Variants in SEMA5A observed in about 807,000 individuals in gnomAD.
SEMA5A encodes the protein semaphorin 5A, also known as semaphorin-5A.
A neutral mutation model predicts 135.5 loss-of-function variants in SEMA5A; 55 were observed. That is an observed-to-expected ratio of 0.41 (90% CI 0.33 to 0.51). The LOEUF is 0.51. Among genes scored for constraint, SEMA5A ranks in the 20% least tolerant of loss-of-function variants. SEMA5A has a pLI of 0.37. For synonymous variants in SEMA5A, 580 were observed against 546.5 expected (o/e 1.06, Z -0.85); for missense variants, 1,290 against 1,419.9 (o/e 0.91, Z 1.47).
intron 8 of SEMA5A, among the ~76,000 whole-genome samples, chr5:9,203,950 T>C (rs1292357948): frequency 6.6e-6 from 1 of 151,572 alleles, no homozygotes; most frequent in Non-Finnish European, 1.5e-5. Context: ...CTTGTGTTTT[T>C]GGAAAATAAA....
chr5:9,484,877 C>T (rs1401358186), intron 1 of SEMA5A, among the ~76,000 whole-genome samples: 4 of 152,044 alleles, frequency 2.6e-5, no homozygotes, highest in South Asian at 2.1e-4. Flanking sequence ...TACACAAGTG[C>T]CCCAGAGTCA....
intron 1 of SEMA5A, among the ~76,000 whole-genome samples, chr5:9,453,435 T>C (rs924736416): frequency 6.6e-6 from 1 of 152,208 alleles, no homozygotes; most frequent in African/African-American, 2.4e-5. Flanking sequence ...GTGATTTGTC[T>C]GTTTAAAATG....
At chr5:9,284,483 A>C (rs2150571332) in intron 5 of SEMA5A, among the ~76,000 whole-genome samples, 1 of 152,348 alleles carries the variant, frequency 6.6e-6, no homozygotes, top group East Asian at 1.9e-4. Context: ...TTGGGAGTTA[A>C]CAATGAGCCA....
At chr5:9,231,850 G>T (rs1473760557) in intron 6 of SEMA5A, among the ~76,000 whole-genome samples, 2 of 152,186 alleles carry the variant, frequency 1.3e-5, no homozygotes, top group Non-Finnish European at 2.9e-5. Flanking sequence ...TTTCCAAGAA[G>T]TCACAGTGCA....
At chr5:9,300,601 T>G (rs766054908) in intron 5 of SEMA5A, among the ~76,000 whole-genome samples, 3 of 152,330 alleles carry the variant, frequency 2.0e-5, no homozygotes, top group Admixed American at 6.5e-5. Flanking sequence ...TTGGGTTGAA[T>G]GGTGGCCTCC....
chr5:9,071,345 G>T (rs1430367770), intron 16 of SEMA5A, among the ~76,000 whole-genome samples: 1 of 152,030 alleles, frequency 6.6e-6, no homozygotes, highest in African/African-American at 2.4e-5. Flanking sequence ...ATCACCATAG[G>T]CCTGATTTAG....
At chr5:9,522,428 C>G (rs1736887173) in intron 1 of SEMA5A, among the ~76,000 whole-genome samples, 1 of 152,072 alleles carries the variant, frequency 6.6e-6, no homozygotes, top group Middle Eastern at 3.2e-3. Flanking sequence ...ACTAAAAATA[C>G]AAACATTTGC....
At chr5:9,396,861 C>A (rs1756427416) in intron 2 of SEMA5A, among the ~76,000 whole-genome samples, 1 of 152,150 alleles carries the variant, frequency 6.6e-6, no homozygotes, top group African/African-American at 2.4e-5. Context: ...TCATGACCAT[C>A]ATGTCTGCCT....
At chr5:9,432,686 G>C (rs1404087019) in intron 2 of SEMA5A, among the ~76,000 whole-genome samples, 3 of 152,138 alleles carry the variant, frequency 2.0e-5, no homozygotes, top group African/African-American at 7.2e-5. Context: ...TAACATTATT[G>C]TACGCACATC....
At chr5:9,517,493 C>T (rs930919484) in intron 1 of SEMA5A, 2 of 152,154 alleles carry the variant, frequency 1.3e-5, no homozygotes, top group African/African-American at 4.8e-5. Context: ...ATCCCCAGGT[C>T]CTCTGTGCCT....
chr5:9,049,364 G>A (rs1736444618), intron 21 of SEMA5A, among the ~76,000 whole-genome samples: 1 of 152,138 alleles, frequency 6.6e-6, no homozygotes, highest in Admixed American at 6.6e-5. Context: ...ATTTCGTCAT[G>A]TTGGAAAGGC....
At chr5:9,153,069 GAA>G (rs60994342) in intron 12 of SEMA5A, among the ~76,000 whole-genome samples, 200 of 143,284 alleles carry the variant, frequency 1.4e-3, no homozygotes, top group East Asian at 8.2e-3. Context: ...CTCCATTTCA[GAA>G]AAAAAAAAAA....
At chr5:9,188,795 C>A (rs186622078) in intron 11 of SEMA5A, among the ~76,000 whole-genome samples, 21 of 98,102 alleles carry the variant, frequency 2.1e-4, no homozygotes, top group Non-Finnish European at 3.7e-4. Context: ...TTAACACAAA[C>A]AAAAATCAAC....
At chr5:9,216,477 G>A (rs1746636679) in intron 8 of SEMA5A, among the ~76,000 whole-genome samples, 1 of 152,150 alleles carries the variant, frequency 6.6e-6, no homozygotes. Context: ...TTTTGGTGGA[G>A]AGTTCTGTAA....
At chr5:9,418,442 G>T (rs1757357522) in intron 2 of SEMA5A, among the ~76,000 whole-genome samples, 1 of 152,168 alleles carries the variant, frequency 6.6e-6, no homozygotes, top group Non-Finnish European at 1.5e-5. Context: ...CTTCCTATAT[G>T]CAAAGCAGAG....
At chr5:9,370,125 C>A (rs761771088) in intron 3 of SEMA5A, among the ~76,000 whole-genome samples, 28 of 152,226 alleles carry the variant, frequency 1.8e-4, no homozygotes, top group African/African-American at 2.7e-4. Flanking sequence ...CCTCTGCTTT[C>A]ATCTTTAAAC....
At chr5:9,116,793 A>C (rs547291143) in intron 15 of SEMA5A, among the ~76,000 whole-genome samples, 1 of 152,330 alleles carries the variant, frequency 6.6e-6, no homozygotes, top group East Asian at 1.9e-4. Context: ...TCTTGAGCTT[A>C]GTCCTCAAAC....
intron 5 of SEMA5A, among the ~76,000 whole-genome samples, chr5:9,293,950 C>T (rs1271714651): frequency 6.6e-6 from 1 of 152,094 alleles, no homozygotes; most frequent in African/African-American, 2.4e-5. Flanking sequence ...TTGTAAGATC[C>T]CAATTGCAGT....
At chr5:9,119,299 T>C (rs1310764058) in intron 14 of SEMA5A, among the ~76,000 whole-genome samples, 158 bp from the exon 15 acceptor site, 1 of 152,210 alleles carries the variant, frequency 6.6e-6, no homozygotes, top group African/African-American at 2.4e-5. Context: ...GACTGCACCC[T>C]GTGAATCTCA....
Sources: allele counts gnomAD v4.1 joint callset (sites outside exome capture counted in the v4.1 genomes callset), GRCh38; gene constraint gnomAD v4.1.1; transcripts MANE v1.5; gene names NCBI Gene and HGNC (gene_info 2026-07-23, HGNC 2026-07-21).